Variants in MACROD2 observed in about 807,000 individuals in gnomAD.
MACROD2 encodes mono-ADP ribosylhydrolase 2.
Under a neutral mutation model 70.4 loss-of-function variants are expected in MACROD2, and 36 were observed. That is an observed-to-expected ratio of 0.51 (90% CI 0.39 to 0.68). The LOEUF is 0.68. Ranked by LOEUF, MACROD2 falls within the 30% of genes least tolerant of loss-of-function variation. MACROD2 has a pLI of 0.00. For synonymous variants in MACROD2, 172 were observed against 178.8 expected (o/e 0.96, Z 0.30); for missense variants, 496 against 538.4 (o/e 0.92, Z 0.78).
chr20:15,216,488 A>T (rs1029515951), intron 5 of MACROD2, among the ~76,000 whole-genome samples: 1 of 152,202 alleles, frequency 6.6e-6, no homozygotes, highest in Admixed American at 6.5e-5. Context: ...TTCTCACAGT[A>T]GACGTGAATG....
intron 3 of MACROD2, among the ~76,000 whole-genome samples, chr20:14,287,093 A>G (rs759928134): frequency 1.1e-4 from 16 of 152,128 alleles, no homozygotes; most frequent in Non-Finnish European, 1.9e-4. Flanking sequence ...CTGAACCCCT[A>G]GAGTACTGTG....
chr20:14,366,767 T>G (rs1347216640), intron 3 of MACROD2, among the ~76,000 whole-genome samples: 3 of 152,200 alleles, frequency 2.0e-5, no homozygotes, highest in Non-Finnish European at 2.9e-5. Flanking sequence ...TTCTTTCACT[T>G]TCAGCCTATC....
chr20:14,986,098 A>C (rs1312500021), intron 5 of MACROD2, among the ~76,000 whole-genome samples: 1 of 152,234 alleles, frequency 6.6e-6, no homozygotes, highest in African/African-American at 2.4e-5. Flanking sequence ...CATAGTTGGC[A>C]TAGAAACAGC....
intron 5 of MACROD2, among the ~76,000 whole-genome samples, chr20:14,947,597 C>G (rs765093028): frequency 6.6e-6 from 1 of 152,130 alleles, no homozygotes; most frequent in African/African-American, 2.4e-5. Context: ...GAGTGTGCAT[C>G]AGAGTCACCT....
rs113885532 is a variant in MACROD2, at chr20:14,378,385, G to C, written c.272-115094G>C. 2.4e-4 allele frequency among the ~76,000 whole-genome samples: 36 copies of C among 152,204 alleles called. 1 individual carries two copies. The highest frequency in any genetic ancestry group is 8.2e-4 in the African/African-American group (34 of 41,534). ...CTGCCTCACTTAAAACTCCATTTCT[G>C]TCCCTAGTTGTAGCTCACATAAAAT... On this transcript the variant is annotated intron_variant, in intron 3 of 17. Coordinates refer to ENST00000684519, the MANE Select transcript of MACROD2 (RefSeq NM_001351661.2).
At chr20:14,658,088 C>T (rs970235746) in intron 4 of MACROD2, among the ~76,000 whole-genome samples, 2 of 151,178 alleles carry the variant, frequency 1.3e-5, no homozygotes, top group African/African-American at 4.9e-5. Context: ...ATTTTGCATC[C>T]TTTTTTTTCA....
intron 5 of MACROD2, among the ~76,000 whole-genome samples, chr20:14,993,727 C>A (rs112838555): frequency 0.021 from 3,238 of 152,178 alleles, 66 homozygotes; most frequent in Admixed American, 0.047. Context: ...AGACTAATTT[C>A]CTTAACTGAC....
Position 14,361,340 on chromosome 20 carries a change from C to T in MACROD2, c.272-132139C>T, listed in dbSNP as rs180758905. ...GCCAGGGGTTAGTTTACCACTGTGA[C>T]GTGAGGAAACTGACATTGTGACTCC... On this transcript the variant is annotated intron_variant, in intron 3 of 17. Coordinates refer to ENST00000684519, the MANE Select transcript of MACROD2 (RefSeq NM_001351661.2). Among the ~76,000 whole-genome samples the T allele has an allele frequency of 3.0e-3, 455 of 152,262 alleles. 1 individual carries two copies. Among genetic ancestry groups the T allele is most frequent in the Non-Finnish European group, 4.8e-3 (325 of 68,020 alleles).
At chr20:15,684,546 G>A (rs2050201828) in intron 8 of MACROD2, among the ~76,000 whole-genome samples, 2 of 152,188 alleles carry the variant, frequency 1.3e-5, no homozygotes, top group East Asian at 1.9e-4. Context: ...CATTTAAAAT[G>A]GACATTTATT....
chr20:15,953,466 A>C (rs1026409150), intron 12 of MACROD2, among the ~76,000 whole-genome samples: 3 of 152,158 alleles, frequency 2.0e-5, no homozygotes, highest in African/African-American at 4.8e-5. Context: ...AAACATCACC[A>C]TGTACCCTAT....
intron 15 of MACROD2, among the ~76,000 whole-genome samples, chr20:16,009,731 TG>T (rs545939643): frequency 2.0e-5 from 3 of 152,114 alleles, no homozygotes; most frequent in Admixed American, 2.0e-4. Flanking sequence ...CACTCCAGCC[TG>T]CGCGATAAGA....
chr20:14,428,469 ATGTC>A (rs1212395442), intron 3 of MACROD2, among the ~76,000 whole-genome samples: 1 of 152,122 alleles, frequency 6.6e-6, no homozygotes, highest in Non-Finnish European at 1.5e-5. Flanking sequence ...AATGAAAAGA[ATGTC>A]TGTTGTTGCC....
At chr20:15,970,487 A>G (rs1333434708) in intron 13 of MACROD2, among the ~76,000 whole-genome samples, 1 of 151,244 alleles carries the variant, frequency 6.6e-6, no homozygotes, top group Non-Finnish European at 1.5e-5. Flanking sequence ...GAAACTTTGT[A>G]AGTCTCAGTG....
intron 2 of MACROD2, among the ~76,000 whole-genome samples, chr20:14,031,877 G>C (rs1461796040): frequency 6.6e-6 from 1 of 152,052 alleles, no homozygotes; most frequent in Non-Finnish European, 1.5e-5. Flanking sequence ...AAATAGAAGA[G>C]AGTTTATATG....
In MACROD2 at chr20:15,175,823, GT is replaced by G. The variant is rs753105917; in HGVS notation, c.419-54116del. ...CATGGCTGTGTGCTCCATAGAGCCA[GT>G]GGGGGCCAGGAACAGGCGGGAGCCC... On this transcript the variant is annotated intron_variant, in intron 5 of 17. Coordinates refer to ENST00000684519, the MANE Select transcript of MACROD2 (RefSeq NM_001351661.2). Among the ~76,000 whole-genome samples the G allele has an allele frequency of 1.2e-4, 19 of 152,362 alleles. No homozygotes were observed. In the East Asian group the frequency reaches 3.1e-3, roughly 25 times the overall value.
At chr20:14,336,806 C>G (rs1174819848) in intron 3 of MACROD2, among the ~76,000 whole-genome samples, 1 of 152,148 alleles carries the variant, frequency 6.6e-6, no homozygotes, top group Non-Finnish European at 1.5e-5. Context: ...GTTCAATTTA[C>G]TAGTTGAGAT....
At chr20:15,251,196 T>G (rs369543504) in intron 6 of MACROD2, among the ~76,000 whole-genome samples, 65 of 152,342 alleles carry the variant, frequency 4.3e-4, no homozygotes, top group African/African-American at 1.5e-3. Flanking sequence ...CAGAAAGTTC[T>G]GTTTATTTAA....
chr20:15,052,207 A>T (rs894176666), intron 5 of MACROD2, among the ~76,000 whole-genome samples: 2 of 152,080 alleles, frequency 1.3e-5, no homozygotes, highest in Non-Finnish European at 2.9e-5. Context: ...ACGGTCCTCA[A>T]ACTGTGTGTG....
intron 6 of MACROD2, among the ~76,000 whole-genome samples, chr20:15,359,260 A>C (rs544003989): frequency 1.3e-5 from 2 of 152,112 alleles, no homozygotes; most frequent in African/African-American, 2.4e-5. Flanking sequence ...TCCACTGTAC[A>C]TGCATTGATG....
Sources: gnomAD v4.1 joint callset for allele counts (sites outside exome capture counted in the v4.1 genomes callset) on GRCh38, gnomAD v4.1.1 for gene constraint, MANE v1.5 for transcripts, NCBI Gene and HGNC (gene_info 2026-07-23, HGNC 2026-07-21) for gene names.